Variants in ERGIC1 observed in about 807,000 individuals in gnomAD.
The protein encoded by ERGIC1 is endoplasmic reticulum-Golgi intermediate compartment protein 1.
In ERGIC1, 19 loss-of-function variants were observed where a neutral mutation model predicts 38.3. That is an observed-to-expected ratio of 0.50 (90% CI 0.35 to 0.73). The LOEUF (loss-of-function observed/expected upper bound fraction) is 0.73, where lower values mean the gene tolerates loss of function less well. ERGIC1 is among the 30% of genes least tolerant of loss of function. ERGIC1 has a pLI of 0.01. For synonymous variants in ERGIC1, 124 were observed against 157.6 expected (o/e 0.79, Z 1.60); for missense variants, 294 against 389.2 (o/e 0.76, Z 2.06).
chr5:172,861,935 A>G (rs1347928539), intron 1 of ERGIC1, among the ~76,000 whole-genome samples: 1 of 152,176 alleles, frequency 6.6e-6, no homozygotes, highest in Non-Finnish European at 1.5e-5. Context: ...CGCTTTGTCC[A>G]CTGGAAAGTT....
At chr5:172,889,554 C>A (rs926050946) in intron 2 of ERGIC1, among the ~76,000 whole-genome samples, 3 of 152,076 alleles carry the variant, frequency 2.0e-5, no homozygotes, top group Non-Finnish European at 4.4e-5. Flanking sequence ...TCAGCAGGAC[C>A]TAGGAGCCAA....
chr5:172,834,357 C>A lies in ERGIC1; in HGVS notation c.-57C>A. On this transcript the variant is annotated 5_prime_UTR_variant, in exon 1 of 10. Transcript: ENST00000393784. This position sits in a 1 kb window ranked among gnomAD's most constrained non-coding sequence, Gnocchi z 4.1. ...GGAGGCGTTGGCAGCGGGCTCGGAC[C>A]CACGCGGCGCCGCGGCCCGCCTGGC... is the stretch of plus-strand genomic sequence containing the variant. The A allele has an allele frequency of 4.8e-6, 6 of 1,253,002 alleles. No individual in the cohort carries two copies. In the East Asian group the frequency reaches 1.6e-4, roughly 34 times the overall value. 77.6% of individuals were successfully genotyped at this position (1,253,002 alleles called of 1,614,324 possible).
intron 7 of ERGIC1, among the ~76,000 whole-genome samples, chr5:172,928,755 C>T (rs564331939): frequency 2.6e-5 from 4 of 152,104 alleles, no homozygotes; most frequent in Admixed American, 6.5e-5. Flanking sequence ...ATGAGGACCT[C>T]GGCCTCCAGT....
At chr5:172,869,086 G>T (rs578190569) in intron 1 of ERGIC1, among the ~76,000 whole-genome samples, 3 of 152,226 alleles carry the variant, frequency 2.0e-5, no homozygotes, top group Non-Finnish European at 4.4e-5. Context: ...TGCACCTTGC[G>T]TGGGGAGCTG....
intron 1 of ERGIC1, among the ~76,000 whole-genome samples, chr5:172,863,740 G>C (rs1207578462): frequency 6.6e-6 from 1 of 152,190 alleles, no homozygotes. Flanking sequence ...CTGGTATGTT[G>C]TTATTCTGAC....
At chr5:172,850,248 T>TG (rs1354304715) in intron 1 of ERGIC1, among the ~76,000 whole-genome samples, 1 of 152,202 alleles carries the variant, frequency 6.6e-6, no homozygotes, top group Non-Finnish European at 1.5e-5. Context: ...AGAGCTGAGT[T>TG]AACCCTGAGT....
At position 172,926,569 on chromosome 5, in the gene ERGIC1, C is replaced by A; in HGVS notation, c.541C>A (p.Pro181Thr). Residue 181 changes from proline (P) to threonine (T), a missense_variant and splice_region_variant, in exon 7 of 10, where the codon CCC (proline) becomes ACC (threonine). Physicochemically the swap from Pro to Thr is conservative, Grantham distance 38. Coordinates refer to ENST00000393784, the MANE Select transcript of ERGIC1 (RefSeq NM_001031711.3). The surrounding 1 kb of genome is among the most constrained non-coding windows in gnomAD (Gnocchi z 5.2). ...LGGADRLTSN[P>T]LASHDYILKI... ...GGGAGCAGACAGACTCACCTCCAAC[C>A]GTATGTATCCCTGCTGGGAACAGCC... 1.9e-6 allele frequency: 3 copies of A among 1,612,302 alleles called. No individual in the cohort carries two copies. Among genetic ancestry groups the A allele is most frequent in the Non-Finnish European group, 2.5e-6 (3 of 1,180,006 alleles).
chr5:172,932,331 C>A, intron 7 of ERGIC1, 105 bp from the exon 8 acceptor site: 1 of 1,100,126 alleles, frequency 9.1e-7, no homozygotes, highest in Non-Finnish European at 1.3e-6. Context: ...GGGGAATGAG[C>A]CCCCTGCCGT....
chr5:172,877,377 T>A (rs1204240377), intron 1 of ERGIC1, among the ~76,000 whole-genome samples: 1 of 151,374 alleles, frequency 6.6e-6, no homozygotes, highest in Non-Finnish European at 1.5e-5. Flanking sequence ...GTCTTGTACT[T>A]TTTTCTCAAA....
chr5:172,892,191 C>T (rs528948824), intron 2 of ERGIC1, among the ~76,000 whole-genome samples: 4 of 150,538 alleles, frequency 2.7e-5, no homozygotes, highest in South Asian at 2.1e-4. Context: ...AGAGGAAAGG[C>T]GTGAGGCATA....
intron 3 of ERGIC1, among the ~76,000 whole-genome samples, chr5:172,902,545 G>A (rs1762910472): frequency 6.6e-6 from 1 of 152,254 alleles, no homozygotes; most frequent in Admixed American, 6.5e-5. Flanking sequence ...CAAAGCCCTG[G>A]TGGGAGCTGG....
chr5:172,847,155 T>C (rs576733318), intron 1 of ERGIC1, among the ~76,000 whole-genome samples: 16 of 152,272 alleles, frequency 1.1e-4, no homozygotes, highest in African/African-American at 3.8e-4. Flanking sequence ...TCCTTGCGTC[T>C]TCTGGCTCTG....
At chr5:172,921,849 T>G (rs1453226784) in intron 5 of ERGIC1, among the ~76,000 whole-genome samples, 2 of 152,208 alleles carry the variant, frequency 1.3e-5, no homozygotes, top group Non-Finnish European at 2.9e-5. Flanking sequence ...TGCCTTTCGC[T>G]CTCTTCCTGA....
chr5:172,882,760 G>A (rs533922014), intron 1 of ERGIC1, among the ~76,000 whole-genome samples: 8 of 152,006 alleles, frequency 5.3e-5, no homozygotes, highest in African/African-American at 9.7e-5. Context: ...CGTCATCATC[G>A]CCCAGCCTGC....
intron 3 of ERGIC1, among the ~76,000 whole-genome samples, chr5:172,897,576 T>A (rs577004195): frequency 1.3e-5 from 2 of 152,304 alleles, no homozygotes; most frequent in African/African-American, 4.8e-5. Flanking sequence ...AATATTGCCT[T>A]GTTAAAGCTG....
At chr5:172,919,481 C>T (rs756652634) in intron 5 of ERGIC1, among the ~76,000 whole-genome samples, 36 of 152,210 alleles carry the variant, frequency 2.4e-4, no homozygotes, top group Non-Finnish European at 7.4e-5. Flanking sequence ...CCCAAGACTG[C>T]AGTCTGCTCC....
At chr5:172,942,450 G>A (rs1764032289) in intron 9 of ERGIC1, among the ~76,000 whole-genome samples, 1 of 152,120 alleles carries the variant, frequency 6.6e-6, no homozygotes, top group Non-Finnish European at 1.5e-5. Context: ...TCCAGGTTTA[G>A]TCATCTCTGG....
chr5:172,894,132 CTTTTTTTTTTTT>C (rs781661227), intron 2 of ERGIC1, among the ~76,000 whole-genome samples: 1 of 10,506 alleles, frequency 9.5e-5, no homozygotes, highest in African/African-American at 3.5e-4. Flanking sequence ...GCTGATGATA[CTTTTTTTTTTTT>C]TTTTTTTTTT....
Position 172,909,685 on chromosome 5 carries a change from C to T in ERGIC1, c.174C>T (p.Val58=), listed in dbSNP as rs146725470. 2.3e-4 allele frequency: 364 copies of T among 1,614,188 alleles called. 1 individual carries two copies. In the African/African-American group the frequency reaches 4.2e-3, roughly 19 times the overall value. The change falls in exon 4 of 10, where the codon GTC becomes GTT. Residue 58 remains valine, a synonymous_variant. Transcript: ENST00000393784. ...CCCCTAGTGTGAACGAGCTCTATGT[C>T]GATGACCCAGACAAGGACAGCGGTG... is the stretch of plus-strand genomic sequence containing the variant. The part of the protein sequence containing the change: ...ITTEVVNELY[V]DDPDKDSGGK...
Sources: allele counts gnomAD v4.1 joint callset (sites outside exome capture counted in the v4.1 genomes callset), GRCh38; gene constraint gnomAD v4.1.1; non-coding constraint Gnocchi (gnomAD v3.1); transcripts MANE v1.5; gene names NCBI Gene and HGNC (gene_info 2026-07-23, HGNC 2026-07-21).